SSR4: variants seen among roughly 807,000 people sequenced by gnomAD.
The protein encoded by SSR4 is signal sequence receptor subunit 4, also known as translocon-associated protein subunit delta.
For missense variants in SSR4, 125 were observed against 148.8 expected (o/e 0.84, Z 0.83); for synonymous variants, 84 against 65.6 (o/e 1.28, Z -1.35).
At chrX:153,795,732 G>C (rs1388968570) in intron 1 of SSR4, 1 of 753,772 alleles carries the variant, frequency 1.3e-6, no homozygotes, top group African/African-American at 2.3e-5. Context: ...CGTTCTGCCA[G>C]GGCACCACAT....
chrX:153,794,741 C>G lies in SSR4; in HGVS notation c.54C>G (p.Leu18=). The G allele has an allele frequency of 8.3e-7, 1 of 1,211,534 alleles. No individual in the cohort carries two copies. Among genetic ancestry groups the G allele is most frequent in the Non-Finnish European group, 1.1e-6 (1 of 895,287 alleles). Residue 18 remains leucine (L), a synonymous_variant, in exon 1 of 6, where the codon CTC becomes CTG. Coordinates refer to ENST00000370086, the MANE Select transcript of SSR4 (RefSeq NM_006280.3). The stretch of plus-strand genomic sequence containing the variant: ...TGGCGCTGCTCCTGCTGTCCAGCCT[C>G]TCCCGCTGCTCAGGTAGCGGCCCAG... The part of the protein sequence containing the change: ...GALALLLLSS[L]SRCSAEACLE...
intron 1 of SSR4, chrX:153,795,964 G>A (rs782657640): frequency 2.9e-5 from 14 of 476,366 alleles, no homozygotes; most frequent in Non-Finnish European, 3.4e-5. Flanking sequence ...CTGTCAACTG[G>A]CCGGGGGCAG....
chrX:153,796,294 G>T, intron 1 of SSR4, 140 bp from the exon 2 acceptor site: 1 of 467,695 alleles, frequency 2.1e-6, no homozygotes. Context: ...GATCTGTCTC[G>T]CATATCCCAC....
At chrX:153,794,777 T>C in intron 1 of SSR4, 23 bp downstream of exon 1, 1 of 1,205,633 alleles carries the variant, frequency 8.3e-7, no homozygotes, top group Non-Finnish European at 1.1e-6. Context: ...CCGGGGCTTC[T>C]TTCTTGCGAG....
chrX:153,797,450 T>C lies in SSR4; in HGVS notation c.187-8T>C. The C allele has an allele frequency of 8.3e-7, 1 of 1,209,339 alleles. No homozygotes were observed. The highest frequency in any genetic ancestry group is 1.1e-6 in the Non-Finnish European group (1 of 893,169). The stretch of plus-strand genomic sequence containing the variant: ...AGAAGGTGACCCTGCCTTTGTTCCC[T>C]CACCCAGAACATGGCTCTCTATGCT... On this transcript the variant is annotated splice_polypyrimidine_tract_variant and splice_region_variant and intron_variant, in intron 2 of 5. Coordinates refer to ENST00000370086, the MANE Select transcript of SSR4 (RefSeq NM_006280.3).
chrX:153,796,592 G>T (rs782061409), intron 2 of SSR4, 40 bp downstream of exon 2: 4 of 997,213 alleles, frequency 4.0e-6, no homozygotes, highest in Admixed American at 2.2e-5. Flanking sequence ...CGGGTGGGGG[G>T]TGCTCCTCAC....
upstream of SSR4, chrX:153,794,458 C>T (rs782338611): frequency 2.6e-6 from 3 of 1,139,700 alleles, no homozygotes; most frequent in East Asian, 1.0e-4. Context: ...CGATTCACGC[C>T]CCCTTCCGGC....
upstream of SSR4, chrX:153,794,627 C>G (rs1375116401): frequency 4.1e-6 from 5 of 1,208,368 alleles, no homozygotes; most frequent in Non-Finnish European, 5.6e-6. Flanking sequence ...GTCGCTCTTC[C>G]TCGTTTGCCC....
Position 153,798,480 on chromosome X carries a change from G to A in SSR4, c.*47G>A, listed in dbSNP as rs1557073432. 1 of 1,082,086 alleles carries A rather than the reference G, an allele frequency of 9.2e-7. No homozygotes were observed. The highest frequency in any genetic ancestry group is 3.3e-5 in the East Asian group (1 of 30,533). The allele number at this position is 1,082,086 out of a possible 1,213,427, so 89.2% of individuals were successfully genotyped here. A position where few individuals can be genotyped will look rare whatever the true frequency, so the allele number is the denominator to read the frequency against. ...CTTGCTTCCTTCAATAAACATCACA[G>A]GACCTGGGACTGCACAGGACCTGGG... On this transcript the variant is annotated 3_prime_UTR_variant, in exon 6 of 6. Transcript: ENST00000370086.
chrX:153,795,404 C>T (rs1557072042), intron 1 of SSR4: 4 of 113,630 alleles, frequency 3.5e-5, no homozygotes, highest in Non-Finnish European at 7.4e-5. Flanking sequence ...CTCCACATTC[C>T]CTTTTCTGCC....
upstream of SSR4, chrX:153,794,350 C>A: frequency 8.5e-7 from 1 of 1,182,542 alleles, no homozygotes; most frequent in Non-Finnish European, 1.1e-6. Flanking sequence ...AGCCTCCGCA[C>A]GTCCCGACAC....
chrX:153,798,289 T>C (rs1557073286), intron 5 of SSR4, 40 bp from the exon 6 acceptor site: 1 of 1,199,682 alleles, frequency 8.3e-7, no homozygotes. Context: ...TCTGCTCACC[T>C]GTACTCCCCT....
intron 2 of SSR4, 174 bp downstream of exon 2, chrX:153,796,726 C>T (rs2092143988): frequency 6.6e-5 from 30 of 454,667 alleles, no homozygotes; most frequent in Non-Finnish European, 1.2e-4. Context: ...ACCTTCCTCA[C>T]CTGCTTTGTG....
chrX:153,797,681 C>T, intron 3 of SSR4, 44 bp from the exon 4 acceptor site: 1 of 1,169,720 alleles, frequency 8.5e-7, no homozygotes, highest in Non-Finnish European at 1.2e-6. Context: ...AGGGTGGCCC[C>T]TCCGTGTCCA....
At chrX:153,797,653 G>C in intron 3 of SSR4, 72 bp from the exon 4 acceptor site, 1 of 1,116,739 alleles carries the variant, frequency 9.0e-7, no homozygotes, top group Non-Finnish European at 1.2e-6. Flanking sequence ...GAGTGCTGCA[G>C]TGTCGGCACT....
chrX:153,794,449 G>T, upstream of SSR4: 4 of 1,139,863 alleles, frequency 3.5e-6, no homozygotes, highest in Non-Finnish European at 4.7e-6. Flanking sequence ...CGGTCGCACC[G>T]ATTCACGCCC....
In SSR4 at chrX:153,798,079, G is replaced by A. The variant is rs782642605; in HGVS notation, c.360G>A (p.Arg120=). 4 of 1,207,213 alleles carry A rather than the reference G, an allele frequency of 3.3e-6. No homozygotes were observed. Among genetic ancestry groups the A allele is most frequent in the Non-Finnish European group, 4.5e-6 (4 of 894,201 alleles). Reference sequence around the variant, plus strand: ...TTGCACCTCCCTTGCAGGCTCAGAGGAATAACGAGGACATTTCCATCATCC... The same window carrying A: ...TTGCACCTCCCTTGCAGGCTCAGAGAAATAACGAGGACATTTCCATCATCC... ...ESYSLLRKAQ[R]NNEDISIIPP... is the part of the protein sequence containing the mutation. Residue 120 remains arginine (R), a synonymous_variant, in exon 5 of 6, where the codon AGG becomes AGA. Coordinates refer to ENST00000370086, the MANE Select transcript of SSR4 (RefSeq NM_006280.3).
Position 153,796,465 on chromosome X carries a change from T to C in SSR4, c.99T>C (p.Pro33=). 1.7e-6 allele frequency: 2 copies of C among 1,211,345 alleles called. No individual in the cohort carries two copies. The highest frequency in any genetic ancestry group is 2.2e-6 in the Non-Finnish European group (2 of 894,939). The change falls in exon 2 of 6, where the codon CCT becomes CCC. Residue 33 remains proline (P), a synonymous_variant. Transcript: ENST00000370086. The part of the protein sequence containing the change: ...AEACLEPQIT[P]SYYTTSDAVI... ...CCTGCCTGGAGCCCCAGATCACCCCTTCCTACTACACCACTTCTGACGCTG... is the reference window on the plus strand; with the variant it reads ...CCTGCCTGGAGCCCCAGATCACCCCCTCCTACTACACCACTTCTGACGCTG...
intron 4 of SSR4, 37 bp downstream of exon 4, chrX:153,797,851 C>T: frequency 9.0e-7 from 1 of 1,116,855 alleles, no homozygotes; most frequent in Non-Finnish European, 1.2e-6. Flanking sequence ...TCCCCTGTCC[C>T]TGGGGAGCAG....
Sources: allele counts gnomAD v4.1 joint callset, GRCh38; gene constraint gnomAD v4.1.1; transcripts MANE v1.5; gene names NCBI Gene and HGNC (gene_info 2026-07-23, HGNC 2026-07-21).